The following RFX3 variants were observed in gnomAD, a reference collection of about 807,000 sequenced individuals.
The protein encoded by RFX3 is transcription factor RFX3.
RFX3 carries 14 observed loss-of-function variants against 98.6 expected under a neutral mutation model. The observed-to-expected ratio is 0.14, with a 90% CI of 0.09 to 0.22. RFX3 has a LOEUF of 0.22. Among genes scored for constraint, RFX3 ranks in the 10% least tolerant of loss-of-function variants. The pLI, the probability that RFX3 is intolerant of heterozygous loss-of-function variation, is 1.00. For missense variants in RFX3, 639 were observed against 926.9 expected (o/e 0.69, Z 4.03); for synonymous variants, 383 against 328.4 (o/e 1.17, Z -1.80).
At chr9:3,297,175 G>C (rs375060503) in intron 5 of RFX3, among the ~76,000 whole-genome samples, 1 of 151,938 alleles carries the variant, frequency 6.6e-6, no homozygotes, top group Non-Finnish European at 1.5e-5. Context: ...TTGGACATTA[G>C]TATTCCCCAA....
chr9:3,518,294 C>T (rs1006107942), intron 1 of RFX3, among the ~76,000 whole-genome samples: 1 of 152,138 alleles, frequency 6.6e-6, no homozygotes, highest in Non-Finnish European at 1.5e-5. Flanking sequence ...AAACTTTTCC[C>T]AAAAGTTCCT....
intron 1 of RFX3, among the ~76,000 whole-genome samples, chr9:3,486,128 C>CAA (rs772747349): frequency 0.031 from 1,499 of 48,964 alleles, 19 homozygotes; most frequent in African/African-American, 0.079. Flanking sequence ...TGTCTCAAAC[C>CAA]AAAAAAAAAA....
chr9:3,382,550 G>A (rs1027431596), intron 2 of RFX3, among the ~76,000 whole-genome samples: 8 of 152,070 alleles, frequency 5.3e-5, no homozygotes, highest in Non-Finnish European at 8.8e-5. Flanking sequence ...TTTTAGTTTA[G>A]TACCTGATTT....
chr9:3,406,694 T>C (rs1454542700), intron 1 of RFX3, among the ~76,000 whole-genome samples: 2 of 152,166 alleles, frequency 1.3e-5, no homozygotes, highest in African/African-American at 2.4e-5. Context: ...CAGAGGCATA[T>C]TCTACACAAT....
chr9:3,504,852 T>A (rs1205920216), intron 1 of RFX3, among the ~76,000 whole-genome samples: 2 of 30,522 alleles, frequency 6.6e-5, no homozygotes, highest in African/African-American at 2.3e-4. Context: ...ATATATATTA[T>A]ATATGATATA....
intron 1 of RFX3, among the ~76,000 whole-genome samples, chr9:3,516,296 C>T (rs2133882294): frequency 6.6e-6 from 1 of 152,264 alleles, no homozygotes; most frequent in East Asian, 1.9e-4. Context: ...GATCCACCCG[C>T]CTCAGCCTCC....
intron 2 of RFX3, among the ~76,000 whole-genome samples, chr9:3,385,450 C>A (rs1460680187): frequency 6.6e-6 from 1 of 151,976 alleles, no homozygotes; most frequent in Non-Finnish European, 1.5e-5. Context: ...GTGGCTCACA[C>A]CTATAATCTG....
intron 1 of RFX3, among the ~76,000 whole-genome samples, chr9:3,420,021 G>A (rs112386037): frequency 0.067 from 10,222 of 152,156 alleles, 466 homozygotes; most frequent in South Asian, 0.18. Flanking sequence ...TGTCATCGTC[G>A]CACGTGAAGG....
At chr9:3,316,134 T>C (rs1003527719) in intron 4 of RFX3, among the ~76,000 whole-genome samples, 6 of 152,016 alleles carry the variant, frequency 3.9e-5, no homozygotes, top group African/African-American at 1.2e-4. Context: ...CAATAAAATA[T>C]TGGCAAACTG....
chr9:3,318,238 T>A (rs945062184), intron 4 of RFX3, among the ~76,000 whole-genome samples: 1 of 152,130 alleles, frequency 6.6e-6, no homozygotes, highest in Non-Finnish European at 1.5e-5. Flanking sequence ...TGGATGAAGC[T>A]AGAAACCATC....
At chr9:3,342,622 G>A (rs926042546) in intron 3 of RFX3, among the ~76,000 whole-genome samples, 1 of 151,932 alleles carries the variant, frequency 6.6e-6, no homozygotes, top group Admixed American at 6.6e-5. Flanking sequence ...GCGAGTGGGG[G>A]AAGTATGAGT....
intron 1 of RFX3, among the ~76,000 whole-genome samples, chr9:3,432,836 C>T (rs1844771915): frequency 6.6e-6 from 1 of 152,112 alleles, no homozygotes; most frequent in Non-Finnish European, 1.5e-5. Context: ...GCTTCTATGA[C>T]ATGGGCGCTA....
chr9:3,299,088 A>T (rs1563884604), intron 5 of RFX3, among the ~76,000 whole-genome samples: 1 of 151,792 alleles, frequency 6.6e-6, no homozygotes, highest in Non-Finnish European at 1.5e-5. Context: ...ATAATTCTAT[A>T]TTATGCCCCA....
intron 15 of RFX3, among the ~76,000 whole-genome samples, chr9:3,232,777 AG>A (rs1205561761): frequency 9.3e-4 from 131 of 141,480 alleles, no homozygotes; most frequent in African/African-American, 3.0e-3. Context: ...AATCTGAGAG[AG>A]AGAGAGAGAG....
chr9:3,249,159 C>T (rs1821061674), intron 14 of RFX3, among the ~76,000 whole-genome samples: 1 of 152,050 alleles, frequency 6.6e-6, no homozygotes, highest in Admixed American at 6.6e-5. Flanking sequence ...AAAAACTCAC[C>T]TATGCCTCGT....
At chr9:3,415,584 A>C (rs1464188185) in intron 1 of RFX3, among the ~76,000 whole-genome samples, 1 of 151,964 alleles carries the variant, frequency 6.6e-6, no homozygotes, top group African/African-American at 2.4e-5. Flanking sequence ...TTCCTTGGCT[A>C]TCTCTTCTTT....
intron 15 of RFX3, chr9:3,247,278 T>C (rs908375094): frequency 2.0e-6 from 2 of 987,528 alleles, no homozygotes; most frequent in African/African-American, 3.5e-5. Flanking sequence ...TTTAAGCTTT[T>C]TGATAAGCCA....
intron 1 of RFX3, among the ~76,000 whole-genome samples, chr9:3,415,614 C>G (rs1179276783): frequency 6.6e-6 from 1 of 152,122 alleles, no homozygotes; most frequent in Non-Finnish European, 1.5e-5. Flanking sequence ...TCAACAAGGA[C>G]TAATCCCCTA....
chr9:3,323,990 T>C, intron 4 of RFX3: 1 of 425,954 alleles, frequency 2.3e-6, no homozygotes, highest in South Asian at 1.8e-5. Context: ...TATTAAATGC[T>C]TTGAAAATGA....
Sources: gnomAD v4.1 joint callset for allele counts (sites outside exome capture counted in the v4.1 genomes callset) on GRCh38, gnomAD v4.1.1 for gene constraint, MANE v1.5 for transcripts, NCBI Gene and HGNC (gene_info 2026-07-23, HGNC 2026-07-21) for gene names.